CDHR2: variants seen among roughly 807,000 people sequenced by gnomAD.
The protein encoded by CDHR2 is cadherin-related family member 2.
A neutral mutation model predicts 138.6 loss-of-function variants in CDHR2; 104 were observed. The ratio of observed to expected loss-of-function variants is 0.75; its 90% confidence interval spans 0.64 to 0.88. CDHR2 has a LOEUF of 0.88. Ranked by LOEUF, CDHR2 falls within the 40% of genes least tolerant of loss-of-function variation. The pLI is 0.00. For synonymous variants in CDHR2, 755 were observed against 742.8 expected (o/e 1.02, Z -0.27); for missense variants, 1,624 against 1,727.6 (o/e 0.94, Z 1.06).
At position 176,578,223 on chromosome 5, in the gene CDHR2, A is replaced by G. The variant is rs1758445493; in HGVS notation, c.1574+128A>G. 3 of 1,212,462 alleles carry G rather than the reference A, an allele frequency of 2.5e-6. No individual in the cohort carries two copies. In the Admixed American group the frequency reaches 6.3e-5, roughly 25 times the overall value. The allele number at this position is 1,212,462 out of a possible 1,614,324, so 75.1% of individuals were successfully genotyped here. The stretch of plus-strand genomic sequence containing the variant: ...TCAGTTACATTTCAATTTCAGATAA[A>G]CAAGGAATGACTTTTTGAAATAATG... On this transcript the variant is annotated intron_variant, in intron 15 of 31. Coordinates refer to ENST00000261944, the MANE Select transcript of CDHR2 (RefSeq NM_017675.6).
At chr5:176,586,626 T>C (rs1758675325) in intron 20 of CDHR2, 167 bp from the exon 21 acceptor site, 1 of 606,154 alleles carries the variant, frequency 1.6e-6, no homozygotes, top group Non-Finnish European at 2.9e-6. Context: ...GGGAGGTGGA[T>C]GACTTGCTAA....
intron 16 of CDHR2, among the ~76,000 whole-genome samples, chr5:176,579,344 T>C (rs1016471628): frequency 1.3e-5 from 2 of 152,218 alleles, no homozygotes; most frequent in African/African-American, 4.8e-5. Context: ...GGTCTAATAG[T>C]TCCCATTTCT....
rs1288996551 is a variant in CDHR2 at position 176,577,279 on chromosome 5, G to GC, written c.1195-115dup. Reference sequence around the variant, plus strand: ...CACCCTCTCTCGCAGTCTTTTGAGAGCCCCCTTCCATGGGACCTCATCGGG... The same window carrying GC: ...CACCCTCTCTCGCAGTCTTTTGAGAGCCCCCCTTCCATGGGACCTCATCGGG... On this transcript the variant is annotated intron_variant, in intron 12 of 31. Coordinates refer to ENST00000261944, the MANE Select transcript of CDHR2 (RefSeq NM_017675.6). 9 of 1,099,008 alleles carry GC rather than the reference G, an allele frequency of 8.2e-6. No homozygotes were observed. The East Asian group carries it at 2.1e-4, about 25-fold the overall frequency. 68.1% of individuals were successfully genotyped at this position (1,099,008 alleles called of 1,614,324 possible).
upstream of CDHR2, among the ~76,000 whole-genome samples, chr5:176,544,783 G>A (rs1757550635): frequency 6.6e-6 from 1 of 152,190 alleles, no homozygotes; most frequent in Non-Finnish European, 1.5e-5. Context: ...TGACATCACG[G>A]GGATATTCTT....
chr5:176,574,216 G>T lies in CDHR2; in HGVS notation c.495+44G>T, dbSNP rs758712355. On this transcript the variant is annotated intron_variant, in intron 7 of 31. Coordinates refer to ENST00000261944, the MANE Select transcript of CDHR2 (RefSeq NM_017675.6). ...CTGACCGCCTTTGTGACCGCCAGGG[G>T]GCAGCATCTCCACAGACAACCCACA... 2.6e-5 allele frequency: 37 copies of T among 1,414,020 alleles called. No individual in the cohort carries two copies. The South Asian group carries it at 4.2e-4, about 16-fold the overall frequency. 87.6% of individuals were successfully genotyped at this position (1,414,020 alleles called of 1,614,324 possible).
chr5:176,581,606 G>A, intron 17 of CDHR2, 24 bp downstream of exon 17: 1 of 1,600,592 alleles, frequency 6.2e-7, no homozygotes, highest in Non-Finnish European at 8.5e-7. Flanking sequence ...TAGCCAGGAT[G>A]GGCCTGGGGG....
intron 1 of CDHR2, among the ~76,000 whole-genome samples, chr5:176,554,658 TTTTTG>T (rs554050657): frequency 7.9e-5 from 12 of 152,068 alleles, no homozygotes; most frequent in Non-Finnish European, 1.2e-4. Context: ...TTTGTTTTTG[TTTTTG>T]TTTTGTTTTG....
chr5:176,589,902 C>G (rs1322606098), intron 24 of CDHR2, among the ~76,000 whole-genome samples, 176 bp from the exon 25 acceptor site: 1 of 152,200 alleles, frequency 6.6e-6, no homozygotes, highest in African/African-American at 2.4e-5. Flanking sequence ...TCACCCAGCC[C>G]CAGAGGAAGG....
chr5:176,545,663 G>T (rs182943368), upstream of CDHR2, among the ~76,000 whole-genome samples: 1 of 152,220 alleles, frequency 6.6e-6, no homozygotes, highest in African/African-American at 2.4e-5. Flanking sequence ...AGTGTGGGAG[G>T]TGGTGTACCT....
intron 20 of CDHR2, among the ~76,000 whole-genome samples, chr5:176,586,395 T>C (rs2005062): frequency 0.65 from 99,352 of 152,076 alleles, 33,062 homozygotes; most frequent in Non-Finnish European, 0.72. Flanking sequence ...AGGGTTTCAT[T>C]GTGTTGGCCA....
intron 1 of CDHR2, among the ~76,000 whole-genome samples, chr5:176,556,981 CTCTT>C (rs1425594806): frequency 8.0e-6 from 1 of 125,622 alleles, no homozygotes; most frequent in African/African-American, 2.8e-5. Flanking sequence ...CTCCCTTCCT[CTCTT>C]CCTTCCTTCC....
At chr5:176,567,528 G>A (rs1212138551) in intron 3 of CDHR2, among the ~76,000 whole-genome samples, 1 of 151,862 alleles carries the variant, frequency 6.6e-6, no homozygotes, top group Non-Finnish European at 1.5e-5. Flanking sequence ...GTCTCGCTCT[G>A]TCACCCAGGC....
At position 176,575,985 on chromosome 5, in the gene CDHR2, G is replaced by A. The variant is rs144851381; in HGVS notation, c.994G>A (p.Glu332Lys). Residue 332 changes from glutamate (E) to lysine (K), a missense_variant, in exon 12 of 32, where the codon GAG becomes AAG. Transcript: ENST00000261944. Reference sequence around the variant, plus strand: ...GACACACCTCAACATCTACGGGCAGGAGGCCAAGGTGAGCATCTGGGTGAC... The same window carrying A: ...GACACACCTCAACATCTACGGGCAGAAGGCCAAGGTGAGCATCTGGGTGAC... ...TETHLNIYGQ[E>K]AKVSIWVTVR... is the part of the protein sequence containing the mutation. The A allele has an allele frequency of 4.3e-6, 7 of 1,613,826 alleles. No individual in the cohort carries two copies. Among genetic ancestry groups the A allele is most frequent in the South Asian group, 3.3e-5 (3 of 91,062 alleles).
intron 6 of CDHR2, among the ~76,000 whole-genome samples, chr5:176,572,725 C>A (rs371149580): frequency 2.6e-5 from 4 of 152,214 alleles, no homozygotes; most frequent in African/African-American, 7.2e-5. Context: ...CCTGCAAAGA[C>A]CTTCCAGGTG....
rs115797130 is a variant in CDHR2, at chr5:176,581,701, A to C, written c.2058+119A>C. 495 of 1,327,774 alleles carry C rather than the reference A, an allele frequency of 3.7e-4. No individual in the cohort carries two copies. The African/African-American group carries it at 5.8e-3, about 15-fold the overall frequency. The allele number at this position is 1,327,774 out of a possible 1,614,324, so 82.2% of individuals were successfully genotyped here. On this transcript the variant is annotated intron_variant, in intron 17 of 31. Coordinates refer to ENST00000261944, the MANE Select transcript of CDHR2 (RefSeq NM_017675.6). ...GCCTGCCTGGGTTACAATCCCGCTC[A>C]CTCGTATGGCCCCAGGCAATTACTC...
In CDHR2 at chr5:176,578,604, T is replaced by A. The variant is rs756693812; in HGVS notation, c.1814T>A (p.Ile605Asn). 1.6e-5 allele frequency: 26 copies of A among 1,610,164 alleles called. No homozygotes were observed. The highest frequency in any genetic ancestry group is 2.1e-5 in the Non-Finnish European group (25 of 1,179,980). ...GAGGAGGGCAATGTCTCCGTGACCA[T>A]CCAGGTGTGAGCCTGCCTGGACCTG... is the stretch of plus-strand genomic sequence containing the variant. ...QEEEGNVSVT[I>N]QAHDNDEPGT... Residue 605 changes from isoleucine to asparagine, a missense_variant, in exon 16 of 32, where the codon ATC becomes AAC. Ile to Asn is a moderately radical substitution (Grantham distance 149, BLOSUM62 -3). Transcript: ENST00000261944.
At chr5:176,549,135 C>A (rs1757649224), upstream of CDHR2, among the ~76,000 whole-genome samples, 1 of 152,174 alleles carries the variant, frequency 6.6e-6, no homozygotes, top group African/African-American at 2.4e-5. Context: ...GTCGGCCAGG[C>A]CCCTTCTCCT....
intron 30 of CDHR2, among the ~76,000 whole-genome samples, chr5:176,592,003 T>C (rs1758870993): frequency 6.7e-6 from 1 of 149,716 alleles, no homozygotes; most frequent in Non-Finnish European, 1.5e-5. Context: ...ATGGTGGTGA[T>C]GGTAGTGGTG....
At chr5:176,544,919 C>T (rs1050201407), upstream of CDHR2, among the ~76,000 whole-genome samples, 1 of 152,154 alleles carries the variant, frequency 6.6e-6, no homozygotes, top group Non-Finnish European at 1.5e-5. Context: ...AGCCCAGACT[C>T]TCCGGGTCAC....
Sources: allele counts gnomAD v4.1 joint callset (sites outside exome capture counted in the v4.1 genomes callset), GRCh38; gene constraint gnomAD v4.1.1; transcripts MANE v1.5; gene names NCBI Gene and HGNC (gene_info 2026-07-23, HGNC 2026-07-21).